The following GRM3 variants were observed in gnomAD, a reference collection of about 807,000 sequenced individuals.
The protein encoded by GRM3 is metabotropic glutamate receptor 3.
In GRM3, 26 loss-of-function variants were observed where a neutral mutation model predicts 70.5. The observed-to-expected ratio is 0.37, with a 90% confidence interval of 0.27 to 0.51. GRM3 has a LOEUF of 0.51. Among genes scored for constraint, GRM3 ranks in the 20% least tolerant of loss-of-function variants. GRM3 has a pLI of 0.93. For synonymous variants in GRM3, 443 were observed against 434.9 expected, an observed-to-expected ratio of 1.02 and a Z score of -0.23; for missense variants, 859 against 1,123.8, an observed-to-expected ratio of 0.76 and a Z score of 3.37.
At chr7:86,663,015 TAATAC>T (rs1793933102) in intron 1 of GRM3, among the ~76,000 whole-genome samples, 1 of 151,990 alleles carries the variant, frequency 6.6e-6, no homozygotes, top group Non-Finnish European at 1.5e-5. Flanking sequence ...AAATATATCT[TAATAC>T]AATTGATGAA....
intron 2 of GRM3, among the ~76,000 whole-genome samples, chr7:86,770,361 G>C (rs980443046): frequency 7.2e-5 from 11 of 151,976 alleles, no homozygotes; most frequent in African/African-American, 2.4e-4. Context: ...TCCCATCCCT[G>C]GTATAGAAAT....
intron 2 of GRM3, among the ~76,000 whole-genome samples, chr7:86,774,611 G>T (rs564608896): frequency 1.5e-4 from 23 of 152,186 alleles, no homozygotes; most frequent in African/African-American, 5.3e-4. Flanking sequence ...ACATAGACCA[G>T]ATTTCCTTGC....
Position 86,864,422 on chromosome 7 carries a change from G to C in GRM3, c.*67G>C. ...ACAAAAGTGCTCACGTGCAGCTCCA[G>C]AATATGGAAACAGAGCAAAAGAACA... On this transcript the variant is annotated 3_prime_UTR_variant, in exon 6 of 6. Coordinates refer to ENST00000361669, the MANE Select transcript of GRM3 (RefSeq NM_000840.3). 9.2e-7 allele frequency: 1 copy of C among 1,081,426 alleles called. No homozygotes were observed. The highest frequency in any genetic ancestry group is 1.4e-6 in the Non-Finnish European group (1 of 693,416). 67.0% of individuals were successfully genotyped at this position (1,081,426 alleles called of 1,614,324 possible). A position where few individuals can be genotyped will look rare whatever the true frequency, so the allele number is the denominator to read the frequency against.
chr7:86,794,673 G>A (rs1215451000), intron 3 of GRM3, among the ~76,000 whole-genome samples: 1 of 152,138 alleles, frequency 6.6e-6, no homozygotes, highest in Non-Finnish European at 1.5e-5. Context: ...TGTGACATCA[G>A]CAGGCAAGGT....
At chr7:86,858,263 T>C (rs1324080831) in intron 5 of GRM3, among the ~76,000 whole-genome samples, 1 of 152,054 alleles carries the variant, frequency 6.6e-6, no homozygotes, top group Non-Finnish European at 1.5e-5. Flanking sequence ...GCCAAGAACA[T>C]GATATTTTAA....
chr7:86,649,692 A>C (rs1793561154), intron 1 of GRM3, among the ~76,000 whole-genome samples: 1 of 152,150 alleles, frequency 6.6e-6, no homozygotes, highest in South Asian at 2.1e-4. Flanking sequence ...GTTTGAAAAA[A>C]ACTTACAACC....
chr7:86,710,590 T>TGGGGGGGGGGGGGG (rs1795173913), intron 1 of GRM3, among the ~76,000 whole-genome samples: 1 of 6,842 alleles, frequency 1.5e-4, no homozygotes. Flanking sequence ...AGGGGGCGGG[T>TGGGGGGGGGGGGGG]GGTGGGGAGA....
At position 86,864,451 on chromosome 7, in the gene GRM3, C is replaced by T. The variant is rs958308131; in HGVS notation, c.*96C>T. 3.8e-5 allele frequency: 33 copies of T among 861,604 alleles called. No homozygotes were observed. The highest frequency in any genetic ancestry group is 3.8e-4 in the Admixed American group (22 of 58,344). The allele number at this position is 861,604 out of a possible 1,614,324, so 53.4% of individuals were successfully genotyped here. ...ATGGAAACAGAGCAAAAGAACAACC[C>T]TAGTACCTTTTTTTAGAAACAGTAC... is the stretch of plus-strand genomic sequence containing the variant. On this transcript the variant is annotated 3_prime_UTR_variant, in exon 6 of 6. Transcript: ENST00000361669.
chr7:86,669,367 C>T (rs1207254695), intron 1 of GRM3, among the ~76,000 whole-genome samples: 1 of 152,168 alleles, frequency 6.6e-6, no homozygotes, highest in Non-Finnish European at 1.5e-5. Flanking sequence ...AACTCTGAAA[C>T]AACAATAGTT....
chr7:86,785,685 ATTTTTTTTT>A (rs749456155), intron 2 of GRM3, among the ~76,000 whole-genome samples: 681 of 65,078 alleles, frequency 0.01, 2 homozygotes, highest in Middle Eastern at 0.014. Flanking sequence ...AATAGAATTG[ATTTTTTTTT>A]TTTTTTTTTT....
chr7:86,662,828 C>T (rs1296028925), intron 1 of GRM3, among the ~76,000 whole-genome samples: 3 of 151,874 alleles, frequency 2.0e-5, no homozygotes, highest in Non-Finnish European at 4.4e-5. Context: ...CATCAGCATA[C>T]CTAACCCCAA....
intron 1 of GRM3, among the ~76,000 whole-genome samples, chr7:86,672,620 G>C (rs141380662): frequency 6.6e-6 from 1 of 151,388 alleles, no homozygotes; most frequent in African/African-American, 2.4e-5. Flanking sequence ...TTTTTCAGGA[G>C]ACCATGGCTG....
chr7:86,777,599 T>C (rs1471197841), intron 2 of GRM3, among the ~76,000 whole-genome samples: 1 of 152,198 alleles, frequency 6.6e-6, no homozygotes, highest in African/African-American at 2.4e-5. Flanking sequence ...TCAACATTAA[T>C]TCCTGGTCTT....
At chr7:86,681,963 G>A (rs1240092943) in intron 1 of GRM3, among the ~76,000 whole-genome samples, 2 of 152,260 alleles carry the variant, frequency 1.3e-5, no homozygotes, top group East Asian at 1.9e-4. Flanking sequence ...AGCAAGCTTC[G>A]TAGATCAGTT....
Position 86,787,129 on chromosome 7 carries a change from C to G in GRM3, c.1324+13C>G. The G allele has an allele frequency of 6.3e-7, 1 of 1,581,426 alleles. No individual in the cohort carries two copies. On this transcript the variant is annotated intron_variant, in intron 3 of 5. Coordinates refer to ENST00000361669, the MANE Select transcript of GRM3 (RefSeq NM_000840.3). ...ATCAACTTCACGGGTAAGCCAAGAGCCTTTAAACATCTTCTCAGATGCAAA... is the reference window on the plus strand; with the variant it reads ...ATCAACTTCACGGGTAAGCCAAGAGGCTTTAAACATCTTCTCAGATGCAAA...
chr7:86,835,985 C>T (rs1022291870), intron 3 of GRM3, among the ~76,000 whole-genome samples: 37 of 152,178 alleles, frequency 2.4e-4, no homozygotes, highest in African/African-American at 8.7e-4. Context: ...CAGAAATTCA[C>T]AAAATAAATA....
At chr7:86,687,704 G>A (rs955286237) in intron 1 of GRM3, among the ~76,000 whole-genome samples, 1 of 151,776 alleles carries the variant, frequency 6.6e-6, no homozygotes, top group Non-Finnish European at 1.5e-5. Context: ...ATAAATTTTG[G>A]GGTAAACGTA....
Position 86,839,667 on chromosome 7 carries a change from C to A in GRM3, c.2153C>A (p.Thr718Asn), listed in dbSNP as rs755319713. 1.2e-6 allele frequency: 2 copies of A among 1,613,750 alleles called. No individual in the cohort carries two copies. Among genetic ancestry groups the A allele is most frequent in the Non-Finnish European group, 1.7e-6 (2 of 1,179,718 alleles). The change falls in exon 4 of 6, where the codon ACC becomes AAC. Residue 718 changes from threonine to asparagine, a missense_variant. Physicochemically the swap from Thr to Asn is moderately conservative, Grantham distance 65. Coordinates refer to ENST00000361669, the MANE Select transcript of GRM3 (RefSeq NM_000840.3). The surrounding 1 kb of genome is among the most constrained non-coding windows in gnomAD (Gnocchi z 4.5). The stretch of plus-strand genomic sequence containing the variant: ...GAGGCCCCAGGCACCAGGAGGTATA[C>A]CCTTGCAGAGAAGCGGGAAACAGTC... ...ILEAPGTRRY[T>N]LAEKRETVIL...
At chr7:86,759,761 A>C (rs996271505) in intron 1 of GRM3, among the ~76,000 whole-genome samples, 4 of 152,158 alleles carry the variant, frequency 2.6e-5, no homozygotes, top group Admixed American at 6.6e-5. Flanking sequence ...AGAAATTTTA[A>C]GGTAGATCTA....
Sources: gnomAD v4.1 joint callset for allele counts (sites outside exome capture counted in the v4.1 genomes callset) on GRCh38, gnomAD v4.1.1 for gene constraint, Gnocchi (gnomAD v3.1) non-coding constraint, MANE v1.5 for transcripts, NCBI Gene and HGNC (gene_info 2026-07-23, HGNC 2026-07-21) for gene names.